The following USP15 variants were observed in gnomAD, a reference collection of about 807,000 sequenced individuals.
The protein encoded by USP15 is ubiquitin carboxyl-terminal hydrolase 15.
In USP15, 18 loss-of-function variants were observed where a neutral mutation model predicts 127.1. The observed-to-expected ratio is 0.14, with a 90% confidence interval of 0.10 to 0.21. The LOEUF is 0.21. USP15 is among the 10% of genes least tolerant of loss of function. The pLI is 1.00. For missense variants in USP15, 805 were observed against 1,159.9 expected (o/e 0.69, Z 4.44); for synonymous variants, 364 against 393.7 (o/e 0.92, Z 0.89).
intron 4 of USP15, among the ~76,000 whole-genome samples, chr12:62,320,859 T>C (rs1360564401): frequency 2.0e-5 from 3 of 152,154 alleles, no homozygotes. Context: ...TTGAGTTGAT[T>C]AGGCAAGTTA....
At chr12:62,309,247 A>T (rs1312827789) in intron 3 of USP15, among the ~76,000 whole-genome samples, 1 of 152,136 alleles carries the variant, frequency 6.6e-6, no homozygotes, top group Admixed American at 6.6e-5. Context: ...GAAAAAGGAA[A>T]CATCATAGCA....
At chr12:62,374,049 A>T (rs373924849) in intron 8 of USP15, among the ~76,000 whole-genome samples, 1 of 152,026 alleles carries the variant, frequency 6.6e-6, no homozygotes, top group East Asian at 1.9e-4. Flanking sequence ...CAGAATGCTT[A>T]TACTATTGTC....
At position 62,391,436 on chromosome 12, in the gene USP15, A is replaced by G. The variant is rs1470501506; in HGVS notation, c.2233+7A>G. ...AGGCAGCTTAGGCTAGATGGTAAGT[A>G]TTTGTGAAAAATGGCTTGAACATTA... On this transcript the variant is annotated splice_region_variant and intron_variant, in intron 16 of 21. Coordinates refer to ENST00000280377, the MANE Select transcript of USP15 (RefSeq NM_001252078.2). 23 of 1,591,240 alleles carry G rather than the reference A, an allele frequency of 1.4e-5. No homozygotes were observed. Among genetic ancestry groups the G allele is most frequent in the East Asian group, 2.3e-5 (1 of 44,154 alleles).
rs548664913 is a variant in USP15 at position 62,314,886 on chromosome 12, A to G, written c.445A>G (p.Thr149Ala). 3.2e-5 allele frequency: 51 copies of G among 1,592,168 alleles called. 2 individuals carry two copies. In the South Asian group the frequency reaches 4.1e-4, roughly 13 times the overall value. The change falls in exon 4 of 22, where the codon ACT becomes GCT. Residue 149 changes from threonine to alanine, a missense_variant. Thr to Ala is a moderately conservative substitution (Grantham distance 58). This residue lies in a region of USP15 where 57 missense variants were observed against 47.3 expected (regional missense o/e 1.20). Coordinates refer to ENST00000280377, the MANE Select transcript of USP15 (RefSeq NM_001252078.2). ...CENGNMNNVV[T>A]RRFSKADTID... ...AAATGGAAACATGAATAATGTTGTA[A>G]CTCGAAGATTTAGCAAAGCTGACAC...
rs150805323 is a variant in USP15 at position 62,369,509 on chromosome 12, C to T, written c.916-11981C>T. On this transcript the variant is annotated intron_variant, in intron 8 of 21. Transcript: ENST00000280377. ...CCTGATTTTTTTATTTTTTCATGTG[C>T]CAGCTGTCGATGCTTTTTCACACAT... is the stretch of plus-strand genomic sequence containing the variant. Among the ~76,000 whole-genome samples, 12 of 151,406 alleles carry T rather than the reference C, an allele frequency of 7.9e-5. 1 individual carries two copies. Among genetic ancestry groups the T allele is most frequent in the African/African-American group, 2.2e-4 (9 of 41,316 alleles).
At position 62,410,311 on chromosome 12, in the gene USP15, T is replaced by C. The variant is rs551475766; in HGVS notation, c.*5936T>C. ...TTTGTAATCACATTGTGGTGAATTA[T>C]CAGTCTCCCAAGAATTATGTAAAGC... is the stretch of plus-strand genomic sequence containing the variant. On this transcript the variant is annotated 3_prime_UTR_variant, in exon 22 of 22. Coordinates refer to ENST00000280377, the MANE Select transcript of USP15 (RefSeq NM_001252078.2). 1 of 152,248 alleles carries C rather than the reference T, an allele frequency of 6.6e-6. No individual in the cohort carries two copies. The highest frequency in any genetic ancestry group is 1.9e-4 in the East Asian group (1 of 5,182). The allele number at this position is 152,248 out of a possible 1,614,324, so 9.4% of individuals were successfully genotyped here.
Position 62,325,917 on chromosome 12 carries a change from G to A in USP15, c.667G>A (p.Gly223Ser), listed in dbSNP as rs1282950710. The change falls in exon 6 of 22, where the codon GGT becomes AGT. Residue 223 changes from glycine to serine, a missense_variant. Physicochemically the swap from Gly to Ser is moderately conservative, Grantham distance 56. Transcript: ENST00000280377. The part of the protein sequence containing the change: ...QKNEDGTWPR[G>S]PSTPKSPGAS... ...AAATGAAGATGGAACATGGCCAAGG[G>A]GTCCTTCTACTCCTAAGTAAGTGCT... 1.2e-6 allele frequency: 2 copies of A among 1,609,138 alleles called. No homozygotes were observed. The highest frequency in any genetic ancestry group is 1.7e-6 in the Non-Finnish European group (2 of 1,177,172).
intron 1 of USP15, among the ~76,000 whole-genome samples, chr12:62,266,388 C>T (rs2063193001): frequency 1.3e-5 from 2 of 152,088 alleles, no homozygotes; most frequent in South Asian, 4.1e-4. Context: ...ACAGAAAATG[C>T]AAATATGAAT....
At chr12:62,351,570 T>C (rs2065968433) in intron 7 of USP15, among the ~76,000 whole-genome samples, 1 of 151,998 alleles carries the variant, frequency 6.6e-6, no homozygotes, top group Admixed American at 6.6e-5. Context: ...GTGTTTCTGG[T>C]TTTGTTCTGT....
chr12:62,311,792 A>G (rs2064688654), intron 3 of USP15, among the ~76,000 whole-genome samples: 1 of 151,806 alleles, frequency 6.6e-6, no homozygotes. Context: ...AAGACACTTA[A>G]GAGACGAATT....
chr12:62,263,261 T>C (rs1365525448), intron 1 of USP15, among the ~76,000 whole-genome samples: 1 of 152,202 alleles, frequency 6.6e-6, no homozygotes, highest in Non-Finnish European at 1.5e-5. Flanking sequence ...TGTATGTAAC[T>C]GTCTAGGAAA....
At chr12:62,356,200 C>T (rs1392307220) in intron 8 of USP15, among the ~76,000 whole-genome samples, 1 of 151,682 alleles carries the variant, frequency 6.6e-6, no homozygotes, top group Non-Finnish European at 1.5e-5. Context: ...TGAATTTTAA[C>T]CTTTTTTTCG....
intron 1 of USP15, among the ~76,000 whole-genome samples, chr12:62,287,598 T>G (rs1431918073): frequency 6.6e-6 from 1 of 152,180 alleles, no homozygotes; most frequent in Non-Finnish European, 1.5e-5. Flanking sequence ...ATTTTTGTTT[T>G]TTGTTGGATT....
intron 11 of USP15, among the ~76,000 whole-genome samples, chr12:62,385,606 A>C (rs1413300105): frequency 2.0e-5 from 3 of 152,044 alleles, no homozygotes; most frequent in Admixed American, 2.0e-4. Context: ...GCTAAGTACT[A>C]TCCCTTATCT....
chr12:62,261,516 A>G (rs555200703), intron 1 of USP15, among the ~76,000 whole-genome samples: 6 of 152,328 alleles, frequency 3.9e-5, no homozygotes, highest in African/African-American at 1.4e-4. Context: ...TGAAAGGAAC[A>G]GTAAGATTTA....
chr12:62,299,737 C>T (rs1352806974), intron 2 of USP15, among the ~76,000 whole-genome samples: 3 of 152,156 alleles, frequency 2.0e-5, no homozygotes, highest in Non-Finnish European at 4.4e-5. Flanking sequence ...TTTAGGAACT[C>T]TTAGACTGTT....
intron 3 of USP15, among the ~76,000 whole-genome samples, chr12:62,313,677 T>G (rs1486965095): frequency 6.6e-6 from 1 of 151,784 alleles, no homozygotes; most frequent in Non-Finnish European, 1.5e-5. Flanking sequence ...CTCAGTAGTT[T>G]AACATATTGG....
intron 1 of USP15, among the ~76,000 whole-genome samples, chr12:62,282,425 T>G (rs958950943): frequency 4.6e-5 from 7 of 152,216 alleles, no homozygotes; most frequent in Non-Finnish European, 8.8e-5. Flanking sequence ...ATGACAATAT[T>G]CTGTAAAAGT....
At chr12:62,343,687 G>A (rs1847265802) in intron 6 of USP15, among the ~76,000 whole-genome samples, 1 of 152,150 alleles carries the variant, frequency 6.6e-6, no homozygotes, top group Admixed American at 6.5e-5. Flanking sequence ...TGGTGAAGCA[G>A]TGCCCCACCC....
Sources: gnomAD v4.1 joint callset for allele counts (sites outside exome capture counted in the v4.1 genomes callset) on GRCh38, gnomAD v4.1.1 for gene constraint, gnomAD v4.1.1 regional missense constraint, MANE v1.5 for transcripts, NCBI Gene and HGNC (gene_info 2026-07-23, HGNC 2026-07-21) for gene names.